Variants in PRDM16 observed in about 807,000 individuals in gnomAD.
The protein encoded by PRDM16 is histone-lysine N-methyltransferase PRDM16.
In PRDM16, 23 loss-of-function variants were observed where a neutral mutation model predicts 110.6. That is an observed-to-expected ratio of 0.21 (90% confidence interval 0.15 to 0.29). The LOEUF (loss-of-function observed/expected upper bound fraction) is 0.29, where lower values mean the gene tolerates loss of function less well. PRDM16 is among the 10% of genes least tolerant of loss of function. The probability of loss-of-function intolerance (pLI) is 1.00; values close to 1 mark genes in which losing one functional copy is unlikely to be tolerated. For synonymous variants in PRDM16, 799 were observed against 781.8 expected (o/e 1.02, Z -0.37); for missense variants, 1,615 against 1,794.3 (o/e 0.90, Z 1.81).
intron 1 of PRDM16, among the ~76,000 whole-genome samples, chr1:3,118,116 TGTGC>T (rs1158809742): frequency 2.0e-5 from 3 of 150,954 alleles, no homozygotes; most frequent in Admixed American, 6.6e-5. Context: ...TGTGTGTGCG[TGTGC>T]GTGTGTGCGT....
Position 3,418,694 on chromosome 1 carries a change from A to C in PRDM16, c.2889A>C (p.Ser963=). The C allele has an allele frequency of 6.2e-7, 1 of 1,613,630 alleles. No individual in the cohort carries two copies. ...CRYCGKIFPR[S]ANLTRHLRTH... ...ACTGTGGGAAGATCTTCCCCAGATCAGCCAATCTCACCAGACACCTGAGGA... is the reference window on the plus strand; with the variant it reads ...ACTGTGGGAAGATCTTCCCCAGATCCGCCAATCTCACCAGACACCTGAGGA... The change falls in exon 12 of 17, where the codon TCA becomes TCC. Residue 963 remains serine, a synonymous_variant. Transcript: ENST00000270722.
intron 3 of PRDM16, among the ~76,000 whole-genome samples, chr1:3,304,130 T>G (rs1641262488): frequency 7.6e-6 from 1 of 131,372 alleles, no homozygotes; most frequent in Admixed American, 7.8e-5. Context: ...TGGTGTGCCT[T>G]CTGAGGGATG....
intron 1 of PRDM16, among the ~76,000 whole-genome samples, chr1:3,122,030 G>A (rs997959207): frequency 7.9e-5 from 12 of 152,230 alleles, no homozygotes; most frequent in Non-Finnish European, 1.6e-4. Flanking sequence ...ACGCGCACCC[G>A]GCGGAGTATG....
rs1016710333 is a variant in PRDM16, at chr1:3,435,700, A to C, written c.*1889A>C. On this transcript the variant is annotated 3_prime_UTR_variant, in exon 17 of 17. Coordinates refer to ENST00000270722, the MANE Select transcript of PRDM16 (RefSeq NM_022114.4). ...CTCAGGCTTTGTGTCACGCGTGGAC[A>C]TCTCCTCAGGCTGTCCCCAGCGGTG... The C allele has an allele frequency of 9.9e-5, 23 of 232,436 alleles. No individual in the cohort carries two copies. Among genetic ancestry groups the C allele is most frequent in the African/African-American group, 4.0e-4 (18 of 45,214 alleles). The allele number at this position is 232,436 out of a possible 1,614,324, so 14.4% of individuals were successfully genotyped here.
At chr1:3,111,549 A>T (rs1642794919) in intron 1 of PRDM16, among the ~76,000 whole-genome samples, 1 of 99,384 alleles carries the variant, frequency 1.0e-5, no homozygotes, top group Admixed American at 1.1e-4. Flanking sequence ...AAGAGGTGGG[A>T]TAAGGAAGAG....
Position 3,174,239 on chromosome 1 carries a change from C to T in PRDM16, c.38-11886C>T, listed in dbSNP as rs1413862237. Among the ~76,000 whole-genome samples the T allele has an allele frequency of 4.6e-5, 7 of 152,202 alleles. No individual in the cohort carries two copies. In the South Asian group the frequency reaches 8.3e-4, roughly 18 times the overall value. On this transcript the variant is annotated intron_variant, in intron 1 of 16. Coordinates refer to ENST00000270722, the MANE Select transcript of PRDM16 (RefSeq NM_022114.4). The stretch of plus-strand genomic sequence containing the variant: ...TGTCACCTGGGCATGTCTCTGTGTC[C>T]TTCTCCTTGTCCTATAAGGACATCA...
At chr1:3,194,646 ACGCCACCG>A in intron 2 of PRDM16, among the ~76,000 whole-genome samples, 3 of 148,638 alleles carry the variant, frequency 2.0e-5, no homozygotes, top group African/African-American at 7.4e-5. Flanking sequence ...TCCCCGCCAC[ACGCCACCG>A]TCTCCCCGCC....
chr1:3,193,130 C>A (rs115071261), intron 2 of PRDM16, among the ~76,000 whole-genome samples: 1 of 152,110 alleles, frequency 6.6e-6, no homozygotes, highest in South Asian at 2.1e-4. Flanking sequence ...AGCGGCCAGA[C>A]GACGAGTACC....
intron 1 of PRDM16, among the ~76,000 whole-genome samples, chr1:3,107,076 A>C (rs1271065395): frequency 2.0e-5 from 3 of 152,216 alleles, no homozygotes; most frequent in Admixed American, 6.5e-5. Flanking sequence ...ACACCTCATC[A>C]GGGTGGGGCC....
chr1:3,330,010 C>T (rs1642011065), intron 3 of PRDM16, among the ~76,000 whole-genome samples: 2 of 152,262 alleles, frequency 1.3e-5, no homozygotes, highest in African/African-American at 2.4e-5. Flanking sequence ...AATGCAGGTC[C>T]TCTGCCAGGG....
At position 3,337,952 on chromosome 1, in the gene PRDM16, CCA is replaced by C. The variant is rs201080570; in HGVS notation, c.439-47194_439-47193del. Among the ~76,000 whole-genome samples, 1,348 of 152,286 alleles carry C rather than the reference CCA, an allele frequency of 8.9e-3. 28 individuals are homozygous for C. The highest frequency in any genetic ancestry group is 0.03 in the African/African-American group (1,245 of 41,542). On this transcript the variant is annotated intron_variant, in intron 3 of 16. Transcript: ENST00000270722. ...CACAGACACATGTACACACATATGC[CCA>C]CACACTGGCACGCACATGTGTGAAC...
At chr1:3,090,576 C>T (rs1342026435) in intron 1 of PRDM16, among the ~76,000 whole-genome samples, 1 of 152,262 alleles carries the variant, frequency 6.6e-6, no homozygotes, top group African/African-American at 2.4e-5. Flanking sequence ...GTGTGGGTCC[C>T]TGCTAAGAGG....
chr1:3,117,719 G>A (rs1642992239), intron 1 of PRDM16, among the ~76,000 whole-genome samples: 1 of 152,132 alleles, frequency 6.6e-6, no homozygotes, highest in South Asian at 2.1e-4. Flanking sequence ...GCCTCCTGTT[G>A]ACCGCTGGGC....
At chr1:3,153,946 C>G (rs1385758146) in intron 1 of PRDM16, among the ~76,000 whole-genome samples, 1 of 152,226 alleles carries the variant, frequency 6.6e-6, no homozygotes, top group Admixed American at 6.5e-5. Context: ...ACCAGGGAGG[C>G]TTCCTTTGCG....
In PRDM16 at chr1:3,411,970, G is replaced by A; in HGVS notation, c.1773G>A (p.Leu591=). ...TGGAGGACTCCTGTGTGGAGAAGCT[G>A]AAGACCAGGAGCAGCGACATGTCGG... The part of the protein sequence containing the change: ...SRLEDSCVEK[L]KTRSSDMSDG... Residue 591 remains leucine, a synonymous_variant, in exon 9 of 17, where the codon CTG becomes CTA. Coordinates refer to ENST00000270722, the MANE Select transcript of PRDM16 (RefSeq NM_022114.4). 2 of 1,613,700 alleles carry A rather than the reference G, an allele frequency of 1.2e-6. No individual in the cohort carries two copies. The highest frequency in any genetic ancestry group is 1.7e-6 in the Non-Finnish European group (2 of 1,179,986).
At chr1:3,200,633 C>T (rs926880990) in intron 2 of PRDM16, among the ~76,000 whole-genome samples, 23 of 152,344 alleles carry the variant, frequency 1.5e-4, no homozygotes, top group Admixed American at 5.2e-4. Flanking sequence ...TGAGCCACCG[C>T]GCCCAGCCTA....
chr1:3,117,820 C>T (rs1250962574), intron 1 of PRDM16, among the ~76,000 whole-genome samples: 2 of 152,100 alleles, frequency 1.3e-5, no homozygotes, highest in Non-Finnish European at 2.9e-5. Context: ...GCTCGCTGGT[C>T]TTGGGGAGAG....
chr1:3,436,146 A>G lies in PRDM16; in HGVS notation c.*2335A>G, dbSNP rs1173984767. 4.4e-6 allele frequency: 1 copy of G among 229,100 alleles called. No individual in the cohort carries two copies. Among genetic ancestry groups the G allele is most frequent in the Non-Finnish European group, 8.6e-6 (1 of 115,984 alleles). 14.2% of individuals were successfully genotyped at this position (229,100 alleles called of 1,614,324 possible). On this transcript the variant is annotated 3_prime_UTR_variant, in exon 17 of 17. Transcript: ENST00000270722. ...ATTCAACCTCAGACATAAACACCCC[A>G]TTTCTGTAAACCCAAATTATATGGT... is the stretch of plus-strand genomic sequence containing the variant.
At position 3,232,250 on chromosome 1, in the gene PRDM16, T is replaced by C. The variant is rs560784226; in HGVS notation, c.388-11837T>C. Among the ~76,000 whole-genome samples, 3 of 152,372 alleles carry C rather than the reference T, an allele frequency of 2.0e-5. No individual in the cohort carries two copies. In the South Asian group the frequency reaches 6.2e-4, roughly 32 times the overall value. On this transcript the variant is annotated intron_variant, in intron 2 of 16. Transcript: ENST00000270722. The stretch of plus-strand genomic sequence containing the variant: ...GTTCAAGGGAGGCCAAATAAGCGAA[T>C]GGCTCGGATAATGCCGGGTGGAGCT...
Sources: gnomAD v4.1 joint callset for allele counts (sites outside exome capture counted in the v4.1 genomes callset) on GRCh38, gnomAD v4.1.1 for gene constraint, MANE v1.5 for transcripts, NCBI Gene and HGNC (gene_info 2026-07-23, HGNC 2026-07-21) for gene names.